The following GTSE1 variants were observed in gnomAD, a reference collection of about 807,000 sequenced individuals.
The protein encoded by GTSE1 is G2 and S-phase expressed 1, also known as G2 and S phase-expressed protein 1.
In GTSE1, 52 loss-of-function variants were observed where a neutral mutation model predicts 60.5. The ratio of observed to expected loss-of-function variants is 0.86; its 90% CI spans 0.69 to 1.08. The LOEUF is 1.08. Ranked by LOEUF, GTSE1 falls within the 50% of genes least tolerant of loss-of-function variation. The pLI, the probability that GTSE1 is intolerant of heterozygous loss-of-function variation, is 0.00. For missense variants in GTSE1, 937 were observed against 961.8 expected (o/e 0.97, Z 0.34); for synonymous variants, 368 against 386.5 (o/e 0.95, Z 0.56).
At position 46,308,816 on chromosome 22, in the gene GTSE1, T is replaced by A; in HGVS notation, c.635T>A (p.Leu212Ter). 1 of 1,613,282 alleles carries A rather than the reference T, an allele frequency of 6.2e-7. No individual in the cohort carries two copies. The highest frequency in any genetic ancestry group is 8.5e-7 in the Non-Finnish European group (1 of 1,180,024). Residue 212 changes from leucine to a stop codon, truncating the protein, a stop_gained, in exon 4 of 12, where the codon TTG becomes TAG. Coordinates refer to ENST00000454366, the MANE Select transcript of GTSE1 (RefSeq NM_016426.7). LOFTEE classifies it high-confidence loss of function. ...APGPPHSAHA[L>*]PRESCTAHAA... ...GGGCCTCCGCACTCTGCTCATGCTT[T>A]GCCCAGGGAATCATGCACTGCTCAT...
At chr22:46,328,991 A>G (rs2077860743) in intron 10 of GTSE1, 102 bp downstream of exon 10, 1 of 949,746 alleles carries the variant, frequency 1.1e-6, no homozygotes, top group Non-Finnish European at 1.6e-6. Context: ...GTTCCCTGCC[A>G]TGCTTCATCC....
intron 2 of GTSE1, among the ~76,000 whole-genome samples, chr22:46,299,118 G>A (rs1429263520): frequency 2.0e-5 from 3 of 152,108 alleles, no homozygotes; most frequent in East Asian, 1.9e-4. Context: ...AGTAACATTC[G>A]TCCTTCTGGA....
At position 46,328,747 on chromosome 22, in the gene GTSE1, C is replaced by CTG. The variant is rs756752283; in HGVS notation, c.1785_1786dup (p.Asp596ValfsTer33). ...GATTCCAGGCTGGTGGATGTGTCCC[C>CTG]TGACAGGGGTTCTCCTCCTTCCCGT... On this transcript the variant is annotated frameshift_variant, in exon 10 of 12. Coordinates refer to ENST00000454366, the MANE Select transcript of GTSE1 (RefSeq NM_016426.7). LOFTEE classifies it high-confidence loss of function. The CTG allele has an allele frequency of 6.2e-7, 1 of 1,613,958 alleles. No homozygotes were observed. Among genetic ancestry groups the CTG allele is most frequent in the East Asian group, 2.2e-5 (1 of 44,878 alleles).
rs1188927041 is a variant in GTSE1, at chr22:46,313,982, C to T, written c.1020C>T (p.Ser340=). The change falls in exon 6 of 12, where the codon TCC becomes TCT. Residue 340 remains serine (S), a synonymous_variant. Coordinates refer to ENST00000454366, the MANE Select transcript of GTSE1 (RefSeq NM_016426.7). This position sits in a 1 kb window ranked among gnomAD's most constrained non-coding sequence, Gnocchi z 4.4. ...CGGGGCCTGTTTGGAGCGGGGCATC[C>T]AGTGCGTGCACATCCCCAGCAGTGG... is the stretch of plus-strand genomic sequence containing the variant. ...SSSGPVWSGA[S]SACTSPAVGK... 2 of 1,614,212 alleles carry T rather than the reference C, an allele frequency of 1.2e-6. No homozygotes were observed. The highest frequency in any genetic ancestry group is 3.3e-5 in the Admixed American group (2 of 60,030).
rs201142261 is a variant in GTSE1 at position 46,326,614 on chromosome 22, C to G, written c.1684C>G (p.Arg562Gly). 6.2e-7 allele frequency: 1 copy of G among 1,613,166 alleles called. No homozygotes were observed. The highest frequency in any genetic ancestry group is 8.5e-7 in the Non-Finnish European group (1 of 1,179,508). Reference protein sequence around the residue: ...AVGSPLCVPARRRSSEPRKNS... With the variant: ...AVGSPLCVPAGRRSSEPRKNS... ...GGGCTCTCCCCTGTGTGTGCCAGCTCGGAGACGTTCCTCTGAGCCCCGCAA... is the reference window on the plus strand; with the variant it reads ...GGGCTCTCCCCTGTGTGTGCCAGCTGGGAGACGTTCCTCTGAGCCCCGCAA... Residue 562 changes from arginine (R) to glycine (G), a missense_variant, in exon 9 of 12, where the codon CGG becomes GGG. Coordinates refer to ENST00000454366, the MANE Select transcript of GTSE1 (RefSeq NM_016426.7).
In GTSE1 at chr22:46,314,016, G is replaced by A; in HGVS notation, c.1051+3G>A. 1 of 1,613,984 alleles carries A rather than the reference G, an allele frequency of 6.2e-7. No individual in the cohort carries two copies. The highest frequency in any genetic ancestry group is 1.1e-5 in the South Asian group (1 of 91,090). On this transcript the variant is annotated splice_donor_region_variant and intron_variant, in intron 6 of 11. Transcript: ENST00000454366. This position sits in a 1 kb window ranked among gnomAD's most constrained non-coding sequence, Gnocchi z 7.1. ...CACATCCCCAGCAGTGGGCAAAGGT[G>A]AGGCAGCCGGCATCATGCTTGGACC...
chr22:46,297,488 T>TTCCTTC lies in GTSE1; in HGVS notation c.79+10_79+11insCCTTCT. On this transcript the variant is annotated intron_variant, in intron 2 of 11. Coordinates refer to ENST00000454366, the MANE Select transcript of GTSE1 (RefSeq NM_016426.7). The surrounding 1 kb of genome is among the most constrained non-coding windows in gnomAD (Gnocchi z 4.9). ...TGACCCTAAGAAGGAAGGCAAGTCC[T>TTCCTTC]TGCTGCTGCGGCGCTGTTGTTGTTC... 1 of 1,591,716 alleles carries TTCCTTC rather than the reference T, an allele frequency of 6.3e-7. No individual in the cohort carries two copies. Among genetic ancestry groups the TTCCTTC allele is most frequent in the Non-Finnish European group, 8.6e-7 (1 of 1,160,200 alleles).
In GTSE1 at chr22:46,329,250, G is replaced by C; in HGVS notation, c.1927-108G>C. ...CACCAAGGCCCCGCCTGATTCCTTG[G>C]CTTTCCAAACCGCCAGCCCACCTGG... is the stretch of plus-strand genomic sequence containing the variant. On this transcript the variant is annotated intron_variant, in intron 10 of 11. Transcript: ENST00000454366. The surrounding 1 kb of genome is among the most constrained non-coding windows in gnomAD (Gnocchi z 6.4). 1.1e-6 allele frequency: 1 copy of C among 938,006 alleles called. No homozygotes were observed. Among genetic ancestry groups the C allele is most frequent in the Non-Finnish European group, 1.7e-6 (1 of 578,802 alleles). The allele number at this position is 938,006 out of a possible 1,614,324, so 58.1% of individuals were successfully genotyped here. A position where few individuals can be genotyped will look rare whatever the true frequency, so the allele number is the denominator to read the frequency against.
At chr22:46,300,042 A>G (rs931114761) in intron 2 of GTSE1, among the ~76,000 whole-genome samples, 3 of 137,968 alleles carry the variant, frequency 2.2e-5, no homozygotes, top group Non-Finnish European at 4.5e-5. Context: ...TGACCTCGTG[A>G]TCTGCCCGCC....
Position 46,309,029 on chromosome 22 carries a change from CAG to C in GTSE1, c.762+89_762+90del. ...CACAGAAGCCACATGCGGAAAGCCT[CAG>C]AGGTGGCGAGTCTCTGAGGCCTACA... On this transcript the variant is annotated intron_variant, in intron 4 of 11. Transcript: ENST00000454366. This position sits in a 1 kb window ranked among gnomAD's most constrained non-coding sequence, Gnocchi z 6.2. 1.4e-6 allele frequency: 2 copies of C among 1,449,110 alleles called. No homozygotes were observed. The highest frequency in any genetic ancestry group is 1.9e-6 in the Non-Finnish European group (2 of 1,075,608). 89.8% of individuals were successfully genotyped at this position (1,449,110 alleles called of 1,614,324 possible).
chr22:46,315,854 AAGCTAAAAGCTGCCTG>A (rs1176049744), intron 6 of GTSE1, among the ~76,000 whole-genome samples, 162 bp from the exon 7 acceptor site: 2 of 152,256 alleles, frequency 1.3e-5, no homozygotes, highest in African/African-American at 4.8e-5. Context: ...ACACTCAGCT[AAGCTAAAAGCTGCCTG>A]AGCCATCCTG....
At position 46,322,876 on chromosome 22, in the gene GTSE1, C is replaced by T. The variant is rs546247246; in HGVS notation, c.1433-314C>T. On this transcript the variant is annotated intron_variant, in intron 7 of 11. Transcript: ENST00000454366. Reference sequence around the variant, plus strand: ...CAAGTCGACTTCGCTCTGTGAAGGTCGTGCTCGGCCCTGATGGGATATACA... The same window carrying T: ...CAAGTCGACTTCGCTCTGTGAAGGTTGTGCTCGGCCCTGATGGGATATACA... Among the ~76,000 whole-genome samples the T allele has an allele frequency of 3.3e-5, 5 of 152,298 alleles. No homozygotes were observed. The East Asian group carries it at 7.7e-4, about 24-fold the overall frequency.
At chr22:46,305,970 A>G (rs1335575162) in intron 2 of GTSE1, among the ~76,000 whole-genome samples, 1 of 151,924 alleles carries the variant, frequency 6.6e-6, no homozygotes, top group Non-Finnish European at 1.5e-5. Flanking sequence ...CCAAGTTCTT[A>G]GGTTTATGTG....
intron 2 of GTSE1, among the ~76,000 whole-genome samples, chr22:46,306,595 C>G (rs547305299): frequency 1.5e-4 from 23 of 152,346 alleles, no homozygotes; most frequent in Non-Finnish European, 2.8e-4. Context: ...ATTCTCCTGC[C>G]TCAGCCTCCC....
In GTSE1 at chr22:46,316,313, A is replaced by G. The variant is rs1481648437; in HGVS notation, c.1333A>G (p.Lys445Glu). ...CAWSESSQLN[K>E]TRSIRRRDSC... Reference sequence around the variant, plus strand: ...TTGGTCAGAATCTTCTCAATTGAATAAGACTAGAAGTATCAGACGGCGAGA... The same window carrying G: ...TTGGTCAGAATCTTCTCAATTGAATGAGACTAGAAGTATCAGACGGCGAGA... The change falls in exon 7 of 12, where the codon AAG becomes GAG. Residue 445 changes from lysine (K) to glutamate (E), a missense_variant. Lys to Glu is a moderately conservative substitution (Grantham distance 56). Coordinates refer to ENST00000454366, the MANE Select transcript of GTSE1 (RefSeq NM_016426.7). This position sits in a 1 kb window ranked among gnomAD's most constrained non-coding sequence, Gnocchi z 5.0. The G allele has an allele frequency of 6.2e-7, 1 of 1,613,870 alleles. No homozygotes were observed. The highest frequency in any genetic ancestry group is 8.5e-7 in the Non-Finnish European group (1 of 1,179,846).
chr22:46,326,288 C>G lies in GTSE1; in HGVS notation c.1506-148C>G, dbSNP rs569686526. On this transcript the variant is annotated intron_variant, in intron 8 of 11. Transcript: ENST00000454366. ...GCCTTGCCCGCCTTGGGGCCTGTCCCAGGAGAGCGGAGCTCACACGGGCTC... is the reference window on the plus strand; with the variant it reads ...GCCTTGCCCGCCTTGGGGCCTGTCCGAGGAGAGCGGAGCTCACACGGGCTC... The G allele has an allele frequency of 3.9e-5, 25 of 635,842 alleles. No individual in the cohort carries two copies. The African/African-American group carries it at 4.7e-4, about 12-fold the overall frequency. The allele number at this position is 635,842 out of a possible 1,614,324, so 39.4% of individuals were successfully genotyped here. A position where few individuals can be genotyped will look rare whatever the true frequency, so the allele number is the denominator to read the frequency against.
chr22:46,309,695 C>G lies in GTSE1; in HGVS notation c.762+752C>G, dbSNP rs186108562. Among the ~76,000 whole-genome samples the G allele has an allele frequency of 2.6e-5, 4 of 152,326 alleles. No individual in the cohort carries two copies. Among genetic ancestry groups the G allele is most frequent in the African/African-American group, 7.2e-5 (3 of 41,570 alleles). ...CCCATCTCCTGAGCCACATGACTCC[C>G]TGTGGTGAGAGCCAAGGATGGAAGG... On this transcript the variant is annotated intron_variant, in intron 4 of 11. Transcript: ENST00000454366. This position sits in a 1 kb window ranked among gnomAD's most constrained non-coding sequence, Gnocchi z 6.2.
In GTSE1 at chr22:46,314,850, CAA is replaced by C. The variant is rs551490317; in HGVS notation, c.1051+853_1051+854del. 2.9e-3 allele frequency among the ~76,000 whole-genome samples: 283 copies of C among 96,680 alleles called. 1 individual carries two copies. The highest frequency in any genetic ancestry group is 6.4e-3 in the Middle Eastern group (1 of 156). 63.4% of individuals were successfully genotyped at this position (96,680 alleles called of 152,430 possible). On this transcript the variant is annotated intron_variant, in intron 6 of 11. Coordinates refer to ENST00000454366, the MANE Select transcript of GTSE1 (RefSeq NM_016426.7). The surrounding 1 kb of genome is among the most constrained non-coding windows in gnomAD (Gnocchi z 7.1). ...GAGATTGCATCACTGCACTCCGTCT[CAA>C]AAAAAAAAAAAAAAATGATAAGTGT...
chr22:46,306,084 G>A (rs913602128), intron 2 of GTSE1, among the ~76,000 whole-genome samples: 1 of 151,978 alleles, frequency 6.6e-6, no homozygotes, highest in African/African-American at 2.4e-5. Flanking sequence ...CCTTGATTAG[G>A]TAATTAAGAA....
Sources: allele counts gnomAD v4.1 joint callset (sites outside exome capture counted in the v4.1 genomes callset), GRCh38; gene constraint gnomAD v4.1.1; non-coding constraint Gnocchi (gnomAD v3.1); transcripts MANE v1.5; gene names NCBI Gene and HGNC (gene_info 2026-07-23, HGNC 2026-07-21).